Variants in WBP11 observed in about 807,000 individuals in gnomAD.
WBP11 encodes the protein WW domain-binding protein 11.
A neutral mutation model predicts 66.7 loss-of-function variants in WBP11; 12 were observed. The ratio of observed to expected loss-of-function variants is 0.18; its 90% CI spans 0.12 to 0.29. WBP11 has a LOEUF of 0.29. Among genes scored for constraint, WBP11 ranks in the 10% least tolerant of loss-of-function variants. The pLI is 1.00. For synonymous variants in WBP11, 255 were observed against 273.8 expected (o/e 0.93, Z 0.68); for missense variants, 555 against 818.3 (o/e 0.68, Z 3.93).
chr12:14,790,316 C>G (rs528184295), intron 10 of WBP11, 140 bp downstream of exon 10: 3 of 1,179,414 alleles, frequency 2.5e-6, no homozygotes, highest in African/African-American at 1.5e-5. Context: ...CTTTACTTGT[C>G]CTTTGAGAAT....
intron 4 of WBP11, 188 bp downstream of exon 4, chr12:14,799,447 G>C (rs1949933002): frequency 2.3e-6 from 1 of 443,366 alleles, no homozygotes; most frequent in South Asian, 4.6e-5. Flanking sequence ...TCTTATTCTG[G>C]TATCTGGGGT....
At chr12:14,795,257 C>G (rs1592220089) in intron 5 of WBP11, among the ~76,000 whole-genome samples, 153 bp from the exon 6 acceptor site, 1 of 152,320 alleles carries the variant, frequency 6.6e-6, no homozygotes, top group Non-Finnish European at 1.5e-5. Flanking sequence ...TACGTCAATA[C>G]TTCCACATTG....
At chr12:14,788,193 C>T (rs142064192) in intron 11 of WBP11, among the ~76,000 whole-genome samples, 10 of 152,138 alleles carry the variant, frequency 6.6e-5, no homozygotes, top group South Asian at 4.2e-4. Context: ...GAGCTCAGAT[C>T]GCGCCATTGC....
At chr12:14,795,905 T>C (rs1413466924) in intron 5 of WBP11, among the ~76,000 whole-genome samples, 1 of 152,054 alleles carries the variant, frequency 6.6e-6, no homozygotes, top group Non-Finnish European at 1.5e-5. Flanking sequence ...GGGAGACATA[T>C]TACCTCCTTT....
At position 14,793,792 on chromosome 12, in the gene WBP11, G is replaced by A. The variant is rs757281739; in HGVS notation, c.852C>T (p.Asp284=). 1.2e-5 allele frequency: 19 copies of A among 1,613,534 alleles called. No individual in the cohort carries two copies. The highest frequency in any genetic ancestry group is 3.3e-5 in the South Asian group (3 of 91,032). The change falls in exon 8 of 12, where the codon GAC becomes GAT. Residue 284 remains aspartate (D), a synonymous_variant. Coordinates refer to ENST00000261167, the MANE Select transcript of WBP11 (RefSeq NM_016312.3). ...TATCACGGTGCACAAATTCATCCCC[G>A]TCACTTTCTCCATCTGATTTGTCGG... ...SDTDKSDGES[D]GDEFVHRDNG...
chr12:14,794,861 C>T (rs1280006594), intron 6 of WBP11, 110 bp downstream of exon 6: 4 of 1,568,268 alleles, frequency 2.6e-6, no homozygotes, highest in Non-Finnish European at 3.5e-6. Flanking sequence ...TCAAATGTCA[C>T]ACTGTTTACA....
intron 11 of WBP11, 56 bp downstream of exon 11, chr12:14,788,895 G>T: frequency 1.0e-6 from 1 of 956,508 alleles, no homozygotes; most frequent in South Asian, 2.2e-5. Flanking sequence ...ATATGTCTTA[G>T]AGCAAATTAA....
chr12:14,800,833 T>TTCCTCC (rs755367393), intron 2 of WBP11, 50 bp from the exon 3 acceptor site: 30 of 1,470,760 alleles, frequency 2.0e-5, no homozygotes, highest in Admixed American at 1.9e-5. Flanking sequence ...TCTTGAACAT[T>TTCCTCC]AGCATTTCCT....
intron 4 of WBP11, 143 bp from the exon 5 acceptor site, chr12:14,797,146 C>A: frequency 3.9e-6 from 2 of 517,866 alleles, no homozygotes; most frequent in Non-Finnish European, 6.2e-6. Flanking sequence ...CAATTTTATT[C>A]GAAGAACTAC....
intron 8 of WBP11, among the ~76,000 whole-genome samples, chr12:14,792,600 A>AG (rs1412149702): frequency 6.6e-6 from 1 of 152,088 alleles, no homozygotes; most frequent in African/African-American, 2.4e-5. Flanking sequence ...TGGGAGGCCG[A>AG]GGGGGGCAGA....
In WBP11 at chr12:14,786,837, A is replaced by G; in HGVS notation, c.*228T>C. 2 of 437,870 alleles carry G rather than the reference A, an allele frequency of 4.6e-6. No homozygotes were observed. The highest frequency in any genetic ancestry group is 8.1e-6 in the Non-Finnish European group (2 of 246,600). The allele number at this position is 437,870 out of a possible 1,614,324, so 27.1% of individuals were successfully genotyped here. ...AACAGGGTGAAAATGGTGGTATGAA[A>G]GGGAATGGATGTTAGCAGCACTGCT... On this transcript the variant is annotated 3_prime_UTR_variant, in exon 12 of 12. Coordinates refer to ENST00000261167, the MANE Select transcript of WBP11 (RefSeq NM_016312.3).
Position 14,796,105 on chromosome 12 carries a change from A to G in WBP11, c.387+702T>C, listed in dbSNP as rs1949891674. Among the ~76,000 whole-genome samples, 3 of 152,162 alleles carry G rather than the reference A, an allele frequency of 2.0e-5. No individual in the cohort carries two copies. The South Asian group carries it at 6.2e-4, about 31-fold the overall frequency. ...CACAGATTATCTGTGACTATTCTAG[A>G]ATTTCATAAAAATGAAATCATAACA... On this transcript the variant is annotated intron_variant, in intron 5 of 11. Transcript: ENST00000261167. The surrounding 1 kb of genome is among the most constrained non-coding windows in gnomAD (Gnocchi z 4.5).
chr12:14,791,136 A>C, intron 9 of WBP11, 33 bp downstream of exon 9: 1 of 1,598,002 alleles, frequency 6.3e-7, no homozygotes, highest in Non-Finnish European at 8.6e-7. Context: ...AGGATACACC[A>C]AAAGGTGATT....
rs1949808359 is a variant in WBP11, at chr12:14,790,497, G to A, written c.1268C>T (p.Pro423Leu). 3 of 1,614,026 alleles carry A rather than the reference G, an allele frequency of 1.9e-6. No individual in the cohort carries two copies. Among genetic ancestry groups the A allele is most frequent in the East Asian group, 2.2e-5 (1 of 44,892 alleles). Reference sequence around the variant, plus strand: ...AGGAAGGCCTGTAGGTGGCCCAGGAGGCCGTAATGGTGGAGCAGGTGGTGG... The same window carrying A: ...AGGAAGGCCTGTAGGTGGCCCAGGAAGCCGTAATGGTGGAGCAGGTGGTGG... ...LGPPPAPPLR[P>L]PGPPTGLPPG... is the part of the protein sequence containing the mutation. The change falls in exon 10 of 12, where the codon CCT (proline) becomes CTT (leucine). Residue 423 changes from proline (P) to leucine (L), a missense_variant. Physicochemically the swap from Pro to Leu is moderately conservative, Grantham distance 98. Around this residue, in one of 6 missense-constraint regions of WBP11, gnomAD observed 230 missense variants for 286.3 expected, o/e 0.80. Transcript: ENST00000261167.
rs756770327 is a variant in WBP11 at position 14,790,644 on chromosome 12, T to C, written c.1121A>G (p.His374Arg). The change falls in exon 10 of 12, where the codon CAT (histidine) becomes CGT (arginine). Residue 374 changes from histidine (H) to arginine (R), a missense_variant. Transcript: ENST00000261167. ...SEAEKQSQKQ[H>R]KEESHSDGTS... is the part of the protein sequence containing the mutation. The stretch of plus-strand genomic sequence containing the variant: ...GCCATCAGAATGGGATTCCTCTTTA[T>C]GCTGCTTTTGTGATTGCTTTTCTGC... 4 of 1,614,202 alleles carry C rather than the reference T, an allele frequency of 2.5e-6. No individual in the cohort carries two copies. The East Asian group carries it at 6.7e-5, about 27-fold the overall frequency.
intron 7 of WBP11, 117 bp from the exon 8 acceptor site, chr12:14,794,039 C>CA (rs34287115): frequency 0.59 from 195,879 of 330,492 alleles, 47,441 homozygotes; most frequent in African/African-American, 0.84. Context: ...TAATTCTTAC[C>CA]AAAAAAAAAA....
At chr12:14,787,563 A>T in intron 11 of WBP11, 65 bp from the exon 12 acceptor site, 3 of 1,353,488 alleles carry the variant, frequency 2.2e-6, no homozygotes, top group Non-Finnish European at 2.9e-6. Context: ...ACTATTAAGG[A>T]CATTTAAATA....
At chr12:14,790,387 CAT>C in intron 10 of WBP11, 67 bp downstream of exon 10, 1 of 1,535,004 alleles carries the variant, frequency 6.5e-7, no homozygotes, top group Admixed American at 1.9e-5. Context: ...ACTAACAACA[CAT>C]AGTATTTTTT....
chr12:14,794,785 A>C, intron 6 of WBP11, 49 bp from the exon 7 acceptor site: 1 of 1,532,282 alleles, frequency 6.5e-7, no homozygotes, highest in Non-Finnish European at 8.7e-7. Flanking sequence ...GTAATCACTT[A>C]ACAGTAATGA....
Sources: gnomAD v4.1 joint callset for allele counts (sites outside exome capture counted in the v4.1 genomes callset) on GRCh38, gnomAD v4.1.1 for gene constraint, gnomAD v4.1.1 regional missense constraint, Gnocchi (gnomAD v3.1) non-coding constraint, MANE v1.5 for transcripts, NCBI Gene and HGNC (gene_info 2026-07-23, HGNC 2026-07-21) for gene names.